Variants in FAM228A observed in about 807,000 individuals in gnomAD.
FAM228A encodes the protein family with sequence similarity 228 member A.
FAM228A carries 13 observed loss-of-function variants against 18.6 expected under a neutral mutation model. That is an observed-to-expected ratio of 0.70 (90% CI 0.45 to 1.11). The LOEUF is 1.11. Among genes scored for constraint, FAM228A ranks in the 50% least tolerant of loss-of-function variants. FAM228A has a pLI of 0.00. For missense variants in FAM228A, 240 were observed against 242.2 expected (o/e 0.99, Z 0.06); for synonymous variants, 77 against 86.6 (o/e 0.89, Z 0.61).
At chr2:24,177,733 C>A in intron 2 of FAM228A, 69 bp from the exon 3 acceptor site, 1 of 870,228 alleles carries the variant, frequency 1.1e-6, no homozygotes, top group Non-Finnish European at 1.9e-6. Context: ...TGGTAAAGTA[C>A]ACTGAGTTTT....
At position 24,175,650 on chromosome 2, in the gene FAM228A, C is replaced by T. The variant is rs888743836; in HGVS notation, c.93+77C>T. 8.3e-6 allele frequency: 9 copies of T among 1,083,190 alleles called. No homozygotes were observed. The Admixed American group carries it at 9.2e-5, about 11-fold the overall frequency. The allele number at this position is 1,083,190 out of a possible 1,614,324, so 67.1% of individuals were successfully genotyped here. A position where few individuals can be genotyped will look rare whatever the true frequency, so the allele number is the denominator to read the frequency against. On this transcript the variant is annotated intron_variant, in intron 2 of 5. Coordinates refer to ENST00000295150, the MANE Select transcript of FAM228A (RefSeq NM_001040710.3). ...GTTTGGGAACTGTTTATCTTAATTT[C>T]GCTTCTGTTCTCAGGATTGTGACAG... is the stretch of plus-strand genomic sequence containing the variant.
In FAM228A at chr2:24,191,176, T is replaced by G; in HGVS notation, c.*545T>G. On this transcript the variant is annotated 3_prime_UTR_variant, in exon 6 of 6. Transcript: ENST00000295150. Reference sequence around the variant, plus strand: ...TTTTCAGCTCCTGGTCTATTTCCCCTTCCATTCTCTCCGCCACGCCCTGTG... The same window carrying G: ...TTTTCAGCTCCTGGTCTATTTCCCCGTCCATTCTCTCCGCCACGCCCTGTG... 2 of 985,694 alleles carry G rather than the reference T, an allele frequency of 2.0e-6. No individual in the cohort carries two copies. Among genetic ancestry groups the G allele is most frequent in the Non-Finnish European group, 2.4e-6 (2 of 830,144 alleles). 61.1% of individuals were successfully genotyped at this position (985,694 alleles called of 1,614,324 possible).
At chr2:24,181,689 G>C (rs750657590) in intron 3 of FAM228A, among the ~76,000 whole-genome samples, 2 of 151,988 alleles carry the variant, frequency 1.3e-5, no homozygotes, top group Admixed American at 6.6e-5. Context: ...CCCGGCCTAC[G>C]ATCCTTTTAT....
chr2:24,180,980 G>T (rs1021706288), intron 3 of FAM228A, among the ~76,000 whole-genome samples: 2 of 152,194 alleles, frequency 1.3e-5, no homozygotes, highest in Non-Finnish European at 2.9e-5. Context: ...ATTAGCCGAT[G>T]AATTAGATGT....
At chr2:24,181,606 G>A (rs1667817053) in intron 3 of FAM228A, among the ~76,000 whole-genome samples, 1 of 152,110 alleles carries the variant, frequency 6.6e-6, no homozygotes, top group African/African-American at 2.4e-5. Flanking sequence ...GGCTGGTCTT[G>A]AGCTCCTGAC....
intron 3 of FAM228A, 21 bp from the exon 4 acceptor site, chr2:24,183,264 A>G: frequency 6.4e-7 from 1 of 1,559,132 alleles, no homozygotes; most frequent in Non-Finnish European, 8.8e-7. Flanking sequence ...TGGTACTCAA[A>G]GAGTCTCATT....
At position 24,191,094 on chromosome 2, in the gene FAM228A, G is replaced by A; in HGVS notation, c.*463G>A. ...TGATATTTAAAAGGTATTTTTATATGTAGGAATTTTCTGAGTATGGATTTC... is the reference window on the plus strand; with the variant it reads ...TGATATTTAAAAGGTATTTTTATATATAGGAATTTTCTGAGTATGGATTTC... On this transcript the variant is annotated 3_prime_UTR_variant, in exon 6 of 6. Coordinates refer to ENST00000295150, the MANE Select transcript of FAM228A (RefSeq NM_001040710.3). The A allele has an allele frequency of 6.1e-6, 6 of 985,976 alleles. No homozygotes were observed. Among genetic ancestry groups the A allele is most frequent in the Non-Finnish European group, 6.0e-6 (5 of 830,270 alleles). 61.1% of individuals were successfully genotyped at this position (985,976 alleles called of 1,614,324 possible). A position where few individuals can be genotyped will look rare whatever the true frequency, so the allele number is the denominator to read the frequency against.
intron 5 of FAM228A, among the ~76,000 whole-genome samples, chr2:24,188,250 ATTTT>A (rs977380837): frequency 7.9e-5 from 12 of 151,682 alleles, no homozygotes; most frequent in African/African-American, 2.7e-4. Flanking sequence ...TTTCTATTTG[ATTTT>A]TTTAATTTTT....
chr2:24,190,427 CT>C lies in FAM228A; in HGVS notation c.418del (p.Tyr140MetfsTer16), dbSNP rs1214259785. 6.2e-7 allele frequency: 1 copy of C among 1,611,638 alleles called. No individual in the cohort carries two copies. The highest frequency in any genetic ancestry group is 8.5e-7 in the Non-Finnish European group (1 of 1,179,350). ...TYKYSPEKLI[Y>X]ADKKQKRKEK... is the part of the protein sequence containing the mutation. ...TTCTTCACAGTCCTGAAAAGCTCAT[CT>C]ATGCAGACAAGAAACAGAAAAGAAA... On this transcript the variant is annotated frameshift_variant, in exon 6 of 6. Coordinates refer to ENST00000295150, the MANE Select transcript of FAM228A (RefSeq NM_001040710.3). LOFTEE classifies it low-confidence loss of function (END_TRUNC).
At chr2:24,189,754 A>G (rs571306315) in intron 5 of FAM228A, among the ~76,000 whole-genome samples, 32 of 152,308 alleles carry the variant, frequency 2.1e-4, no homozygotes, top group African/African-American at 7.7e-4. Context: ...TGATGAAGTA[A>G]GAAAAGGACT....
intron 3 of FAM228A, chr2:24,179,340 T>C (rs1022691842): frequency 2.4e-5 from 10 of 412,918 alleles, no homozygotes; most frequent in South Asian, 1.4e-4. Flanking sequence ...ATTTGAAGAG[T>C]TGGTCTAACA....
chr2:24,184,019 C>T (rs1207962213), intron 5 of FAM228A, among the ~76,000 whole-genome samples: 1 of 152,160 alleles, frequency 6.6e-6, no homozygotes, highest in East Asian at 1.9e-4. Context: ...TTTTGAATTT[C>T]ATATAAACAG....
intron 5 of FAM228A, chr2:24,188,596 AC>A: frequency 1.0e-6 from 1 of 985,430 alleles, no homozygotes; most frequent in Non-Finnish European, 1.2e-6. Flanking sequence ...ACAAAAATCC[AC>A]CAAAGATGCT....
Position 24,177,865 on chromosome 2 carries a change from G to A in FAM228A, c.157G>A (p.Val53Met). The A allele has an allele frequency of 3.7e-6, 6 of 1,601,798 alleles. No individual in the cohort carries two copies. The highest frequency in any genetic ancestry group is 1.1e-5 in the South Asian group (1 of 89,806). Residue 53 changes from valine (V) to methionine (M), a missense_variant, in exon 3 of 6, where the codon GTG (valine) becomes ATG (methionine). By Grantham distance (21) the Val-to-Met change is conservative. Coordinates refer to ENST00000295150, the MANE Select transcript of FAM228A (RefSeq NM_001040710.3). ...AATATTATTTAAAGAAAATTCCATT[G>A]TGAAGGTAAGAGTTGGCTCCACGCT... ...CAILFKENSIVKVTVPPFVDP... is the reference protein window; with the variant it reads ...CAILFKENSIMKVTVPPFVDP...
Position 24,190,676 on chromosome 2 carries a change from A to T in FAM228A, c.*45A>T. The stretch of plus-strand genomic sequence containing the variant: ...CTGTCAGACAGGCACCCAAGGGCGG[A>T]GGAGGCATGGCCCAAGAAGAAGGGT... On this transcript the variant is annotated 3_prime_UTR_variant, in exon 6 of 6. Transcript: ENST00000295150. The T allele has an allele frequency of 6.7e-7, 1 of 1,502,708 alleles. No homozygotes were observed. Among genetic ancestry groups the T allele is most frequent in the Non-Finnish European group, 8.9e-7 (1 of 1,127,604 alleles). 93.1% of individuals were successfully genotyped at this position (1,502,708 alleles called of 1,614,324 possible).
At chr2:24,176,035 CTG>C in intron 2 of FAM228A, 1 of 985,438 alleles carries the variant, frequency 1.0e-6, no homozygotes, top group Non-Finnish European at 1.2e-6. Context: ...GCACAGAAAG[CTG>C]TGGATTTCGA....
In FAM228A at chr2:24,191,401, G is replaced by C. The variant is rs899502071; in HGVS notation, c.*770G>C. ...CCTGCTCAGTCCCATCGCTGTCCCC[G>C]GTCTCTCCAGGGAGTAAGGGATTCT... On this transcript the variant is annotated 3_prime_UTR_variant, in exon 6 of 6. Transcript: ENST00000295150. 17 of 985,336 alleles carry C rather than the reference G, an allele frequency of 1.7e-5. No homozygotes were observed. The highest frequency in any genetic ancestry group is 2.0e-5 in the Non-Finnish European group (17 of 829,970). 61.0% of individuals were successfully genotyped at this position (985,336 alleles called of 1,614,324 possible).
intron 5 of FAM228A, among the ~76,000 whole-genome samples, chr2:24,186,064 C>T (rs1667941743): frequency 1.3e-5 from 2 of 152,084 alleles, no homozygotes; most frequent in South Asian, 4.1e-4. Flanking sequence ...CTCGCTCTGT[C>T]ACCCAGGCTG....
At position 24,190,512 on chromosome 2, in the gene FAM228A, A is replaced by G. The variant is rs1251508392; in HGVS notation, c.502A>G (p.Lys168Glu). 6 of 1,614,198 alleles carry G rather than the reference A, an allele frequency of 3.7e-6. No individual in the cohort carries two copies. The highest frequency in any genetic ancestry group is 2.2e-5 in the East Asian group (1 of 44,884). Reference protein sequence around the residue: ...AAFERQFLSSKLSQKNKVGER... With the variant: ...AAFERQFLSSELSQKNKVGER... ...GTTTGAAAGGCAGTTCCTTTCCTCA[A>G]AGCTCAGCCAGAAGAACAAAGTGGG... Residue 168 changes from lysine to glutamate, a missense_variant, in exon 6 of 6, where the codon AAG becomes GAG. Lys to Glu is a moderately conservative substitution (Grantham distance 56). Coordinates refer to ENST00000295150, the MANE Select transcript of FAM228A (RefSeq NM_001040710.3).
Sources: allele counts gnomAD v4.1 joint callset (sites outside exome capture counted in the v4.1 genomes callset), GRCh38; gene constraint gnomAD v4.1.1; transcripts MANE v1.5; gene names NCBI Gene and HGNC (gene_info 2026-07-23, HGNC 2026-07-21).